OARD1: variants seen among roughly 807,000 people sequenced by gnomAD.
The protein encoded by OARD1 is ADP-ribose glycohydrolase OARD1.
A neutral mutation model predicts 19.7 loss-of-function variants in OARD1; 19 were observed. The observed-to-expected ratio is 0.96, with a 90% CI of 0.67 to 1.41. The LOEUF is 1.41. Ranked by LOEUF, OARD1 falls within the 40% of genes most tolerant of loss-of-function variation. The pLI is 0.00. For synonymous variants in OARD1, 70 were observed against 61.8 expected (o/e 1.13, Z -0.62); for missense variants, 190 against 183.8 (o/e 1.03, Z -0.20).
In OARD1 at chr6:41,065,097, A is replaced by G. The variant is rs1473394378; in HGVS notation, c.*2238T>C. 1 of 152,188 alleles carries G rather than the reference A, an allele frequency of 6.6e-6. No homozygotes were observed. Among genetic ancestry groups the G allele is most frequent in the Non-Finnish European group, 1.5e-5 (1 of 68,026 alleles). 9.4% of individuals were successfully genotyped at this position (152,188 alleles called of 1,614,324 possible). ...CGTCGGAATTTGACCCAAGACTACT[A>G]TCGGCAAATGACAAAGTGCTTTATC... is the stretch of plus-strand genomic sequence containing the variant. On this transcript the variant is annotated 3_prime_UTR_variant, in exon 6 of 6. Coordinates refer to ENST00000424266, the MANE Select transcript of OARD1 (RefSeq NM_001329686.2).
At chr6:41,091,508 T>C (rs1418365208) in intron 1 of OARD1, 1 of 1,612,402 alleles carries the variant, frequency 6.2e-7, no homozygotes, top group Admixed American at 1.7e-5. Flanking sequence ...TTGTTTGTTT[T>C]ATGTTTTGTT....
At chr6:41,093,942 C>T (rs967758174) in intron 1 of OARD1, among the ~76,000 whole-genome samples, 1 of 152,164 alleles carries the variant, frequency 6.6e-6, no homozygotes, top group Non-Finnish European at 1.5e-5. Context: ...ATCACATGAG[C>T]CGAGGAATTC....
chr6:41,079,922 T>C lies in OARD1; in HGVS notation c.-41-8247A>G, dbSNP rs546961641. ...TTGATGATGAGTTTTTCCCGTCTAA[T>C]GATCAAAGACGAACTCCCCTGATAG... On this transcript the variant is annotated intron_variant, in intron 1 of 4. Coordinates refer to the OARD1 transcript ENST00000480585. Among the ~76,000 whole-genome samples the C allele has an allele frequency of 3.9e-5, 6 of 152,326 alleles. No homozygotes were observed. The South Asian group carries it at 1.2e-3, about 32-fold the overall frequency.
chr6:41,073,221 G>C (rs1021198888), upstream of OARD1: 2 of 151,318 alleles, frequency 1.3e-5, no homozygotes, highest in African/African-American at 4.9e-5. Context: ...CGAGCCGGGC[G>C]GCCAGCGGCC....
At chr6:41,069,011 T>C in intron 4 of OARD1, 58 bp from the exon 5 acceptor site, 1 of 878,760 alleles carries the variant, frequency 1.1e-6, no homozygotes, top group South Asian at 1.6e-5. Context: ...AGAAAAGTCA[T>C]CACATTCCCC....
rs761605685 is a variant in OARD1 at position 41,065,720 on chromosome 6, G to A, written c.*1615C>T. The stretch of plus-strand genomic sequence containing the variant: ...CTGTTGCCTCTTATCAGGCTGATAT[G>A]TGATAAGAACACAGTCTAAAGTACA... On this transcript the variant is annotated 3_prime_UTR_variant, in exon 6 of 6. Transcript: ENST00000424266. 2 of 152,144 alleles carry A rather than the reference G, an allele frequency of 1.3e-5. No homozygotes were observed. Among genetic ancestry groups the A allele is most frequent in the African/African-American group, 2.4e-5 (1 of 41,426 alleles). 9.4% of individuals were successfully genotyped at this position (152,144 alleles called of 1,614,324 possible).
chr6:41,096,642 C>G (rs929010511), intron 1 of OARD1, among the ~76,000 whole-genome samples: 38 of 152,314 alleles, frequency 2.5e-4, no homozygotes, highest in Non-Finnish European at 1.5e-5. Context: ...TTTCTCAGAT[C>G]CTGCCTACCA....
intron 1 of OARD1, among the ~76,000 whole-genome samples, chr6:41,085,065 CAA>C (rs1356864725): frequency 6.6e-6 from 1 of 151,270 alleles, no homozygotes; most frequent in Admixed American, 6.6e-5. Flanking sequence ...CAAAAAAAAA[CAA>C]AAAGTCATTA....
intron 5 of OARD1, among the ~76,000 whole-genome samples, chr6:41,067,773 G>A (rs1233596809): frequency 1.3e-5 from 2 of 152,154 alleles, no homozygotes; most frequent in African/African-American, 2.4e-5. Context: ...GTGGATGGAT[G>A]GTGAAAGGTT....
chr6:41,067,832 G>A (rs1409282696), intron 5 of OARD1, among the ~76,000 whole-genome samples: 1 of 152,188 alleles, frequency 6.6e-6, no homozygotes, highest in African/African-American at 2.4e-5. Context: ...CGAAAGTAAG[G>A]AGAAGAGGAA....
rs1763171104 is a variant in OARD1, at chr6:41,068,909, T to C, written c.288A>G (p.Leu96=). 1 of 1,610,370 alleles carries C rather than the reference T, an allele frequency of 6.2e-7. No homozygotes were observed. The highest frequency in any genetic ancestry group is 8.5e-7 in the Non-Finnish European group (1 of 1,178,076). Residue 96 remains leucine, a synonymous_variant, in exon 5 of 6, where the codon TTA becomes TTG. Coordinates refer to ENST00000424266, the MANE Select transcript of OARD1 (RefSeq NM_001329686.2). ...RASHKPTYEN[L]QKSLEAMKSH... ...ACTTCATTGCCTCTAAACTCTTCTG[T>C]AAGTTTTCATAAGTTGGCTTGTGCG...
intron 5 of OARD1, among the ~76,000 whole-genome samples, chr6:41,067,714 T>A (rs1417560001): frequency 6.6e-6 from 1 of 152,206 alleles, no homozygotes; most frequent in Non-Finnish European, 1.5e-5. Context: ...GTAACTGTCA[T>A]GACATTAGAG....
chr6:41,073,003 GC>G (rs1763555678), upstream of OARD1: 1 of 154,974 alleles, frequency 6.5e-6, no homozygotes, highest in African/African-American at 2.4e-5. Context: ...GGCGGCAGCG[GC>G]GGCTGGAGCC....
Position 41,071,227 on chromosome 6 carries a change from A to AAC in OARD1, c.88_89insGT (p.Leu30CysfsTer2). 6.2e-7 allele frequency: 1 copy of AAC among 1,613,674 alleles called. No individual in the cohort carries two copies. The highest frequency in any genetic ancestry group is 2.2e-5 in the East Asian group (1 of 44,890). On this transcript the variant is annotated frameshift_variant, in exon 3 of 6. Transcript: ENST00000424266. LOFTEE classifies it high-confidence loss of function. ...ACAATCCTCACTGATACAGTGGGCT[A>AAC]AAGAGTCTGTTTTCGGGCATGCAAA... is the stretch of plus-strand genomic sequence containing the variant.
At chr6:41,069,219 T>C (rs1477217805) in intron 4 of OARD1, 1 of 262,534 alleles carries the variant, frequency 3.8e-6, no homozygotes, top group Non-Finnish European at 7.2e-6. Context: ...TAGCAGATGA[T>C]GCCTATTGTC....
intron 3 of OARD1, 198 bp downstream of exon 3, chr6:41,070,934 G>A (rs180806967): frequency 5.1e-5 from 32 of 621,832 alleles, no homozygotes; most frequent in Admixed American, 8.6e-5. Context: ...TGATACAAGA[G>A]GAAGAGATTA....
In OARD1 at chr6:41,091,634, G is replaced by A. The variant is rs370980222; in HGVS notation, c.-42+6079C>T. Reference sequence around the variant, plus strand: ...CCAACACAACCAGCAGTGGGCAAGGGACTGTCACTGTGACACTACCAGTGG... The same window carrying A: ...CCAACACAACCAGCAGTGGGCAAGGAACTGTCACTGTGACACTACCAGTGG... On this transcript the variant is annotated intron_variant, in intron 1 of 4. Coordinates refer to the OARD1 transcript ENST00000480585. 1.4e-5 allele frequency: 22 copies of A among 1,614,112 alleles called. No homozygotes were observed. The African/African-American group carries it at 2.9e-4, about 22-fold the overall frequency.
At chr6:41,095,859 A>G (rs1457154515) in intron 1 of OARD1, among the ~76,000 whole-genome samples, 1 of 152,188 alleles carries the variant, frequency 6.6e-6, no homozygotes, top group East Asian at 1.9e-4. Flanking sequence ...ACTTAATTCT[A>G]TTTAAGTAAG....
At chr6:41,090,123 A>ATTTT in intron 1 of OARD1, 1 of 814,640 alleles carries the variant, frequency 1.2e-6, no homozygotes, top group Non-Finnish European at 1.9e-6. Context: ...CAAAAAAATA[A>ATTTT]TTTTTTTTTT....
Sources: gnomAD v4.1 joint callset for allele counts (sites outside exome capture counted in the v4.1 genomes callset) on GRCh38, gnomAD v4.1.1 for gene constraint, MANE v1.5 for transcripts, NCBI Gene and HGNC (gene_info 2026-07-23, HGNC 2026-07-21) for gene names.